The following CACHD1 variants were observed in gnomAD, a reference collection of about 807,000 sequenced individuals.
CACHD1 encodes the protein cache domain containing 1, also known as VWFA and cache domain-containing protein 1.
In CACHD1, 71 loss-of-function variants were observed where a neutral mutation model predicts 138.7. That is an observed-to-expected ratio of 0.51 (90% CI 0.42 to 0.62). CACHD1 has a LOEUF of 0.62. Among genes scored for constraint, CACHD1 ranks in the 20% least tolerant of loss-of-function variants. The probability of loss-of-function intolerance (pLI) is 0.00; values close to 1 mark genes in which losing one functional copy is unlikely to be tolerated. For synonymous variants in CACHD1, 578 were observed against 591.5 expected, an observed-to-expected ratio of 0.98 and a Z score of 0.33; for missense variants, 1,389 against 1,625.3, an observed-to-expected ratio of 0.85 and a Z score of 2.50.
chr1:64,627,664 A>G (rs1165537916), intron 4 of CACHD1, among the ~76,000 whole-genome samples: 1 of 152,200 alleles, frequency 6.6e-6, no homozygotes, highest in Non-Finnish European at 1.5e-5. Flanking sequence ...TCCTGATGCT[A>G]CATATGGTAT....
At chr1:64,635,948 A>G (rs1174482835) in intron 7 of CACHD1, among the ~76,000 whole-genome samples, 1 of 151,756 alleles carries the variant, frequency 6.6e-6, no homozygotes, top group Non-Finnish European at 1.5e-5. Context: ...CATCTCCACT[A>G]AAAATACAAA....
intron 1 of CACHD1, among the ~76,000 whole-genome samples, chr1:64,546,507 T>C (rs550953562): frequency 5.9e-5 from 9 of 152,130 alleles, no homozygotes; most frequent in Admixed American, 5.9e-4. Flanking sequence ...CTAATATTTA[T>C]ATTTTTTCAT....
chr1:64,683,112 G>A (rs140484551), intron 26 of CACHD1, among the ~76,000 whole-genome samples: 62 of 152,122 alleles, frequency 4.1e-4, no homozygotes, highest in African/African-American at 1.4e-3. Flanking sequence ...AGCAACCAAC[G>A]TCACCATTTA....
chr1:64,508,193 A>G (rs1005754342), intron 1 of CACHD1, among the ~76,000 whole-genome samples: 2 of 152,132 alleles, frequency 1.3e-5, no homozygotes, highest in Non-Finnish European at 2.9e-5. Context: ...CAAGGGGGAA[A>G]TCCACCCACA....
In CACHD1 at chr1:64,494,081, G is replaced by A. The variant is rs1268718174; in HGVS notation, c.198+23139G>A. 3.3e-5 allele frequency among the ~76,000 whole-genome samples: 5 copies of A among 152,270 alleles called. No individual in the cohort carries two copies. In the East Asian group the frequency reaches 9.7e-4, roughly 29 times the overall value. On this transcript the variant is annotated intron_variant, in intron 1 of 26. Coordinates refer to ENST00000651257, the MANE Select transcript of CACHD1 (RefSeq NM_020925.4). ...CCAGCGTTGGAATGTGGAGACCAGG[G>A]TATTGGCACTTCAGAGCTGAGCATC...
intron 2 of CACHD1, among the ~76,000 whole-genome samples, chr1:64,564,942 AC>A (rs1570370830): frequency 6.6e-6 from 1 of 152,120 alleles, no homozygotes; most frequent in East Asian, 1.9e-4. Flanking sequence ...AAGAGCGGGT[AC>A]AGAAGAGTTG....
chr1:64,518,316 G>A (rs905792858), intron 1 of CACHD1, among the ~76,000 whole-genome samples: 3 of 151,882 alleles, frequency 2.0e-5, no homozygotes, highest in East Asian at 1.9e-4. Context: ...TTTAAGTTCC[G>A]GGATACATGT....
At position 64,562,409 on chromosome 1, in the gene CACHD1, C is replaced by CTT. The variant is rs55746551; in HGVS notation, c.261+11771_261+11772dup. ...GTTTATTCTTATGCTGCAGAATTTC[C>CTT]TTTTTTTTTTTTTTTTTTTGAGACA... On this transcript the variant is annotated intron_variant, in intron 2 of 26. Transcript: ENST00000651257. 1.9e-3 allele frequency among the ~76,000 whole-genome samples: 209 copies of CTT among 109,910 alleles called. 10 individuals are homozygous for CTT. Among genetic ancestry groups the CTT allele is most frequent in the African/African-American group, 6.2e-3 (194 of 31,382 alleles). The allele number at this position is 109,910 out of a possible 152,430, so 72.1% of individuals were successfully genotyped here.
At chr1:64,681,918 G>A in intron 25 of CACHD1, 87 bp from the exon 26 acceptor site, 1 of 1,125,372 alleles carries the variant, frequency 8.9e-7, no homozygotes, top group Non-Finnish European at 1.3e-6. Context: ...CTCCCAGCAT[G>A]TAAATGAGCC....
chr1:64,657,419 T>C (rs935744062), intron 12 of CACHD1, among the ~76,000 whole-genome samples: 1 of 152,202 alleles, frequency 6.6e-6, no homozygotes, highest in African/African-American at 2.4e-5. Flanking sequence ...ATAAAATTAT[T>C]TTCTAGTCAT....
intron 10 of CACHD1, among the ~76,000 whole-genome samples, chr1:64,652,513 A>G (rs907188067): frequency 6.6e-6 from 1 of 152,202 alleles, no homozygotes; most frequent in Non-Finnish European, 1.5e-5. Context: ...TTTGAGGGGT[A>G]GGGAACGGTT....
intron 4 of CACHD1, among the ~76,000 whole-genome samples, chr1:64,613,973 T>C (rs1176661660): frequency 6.6e-6 from 1 of 152,154 alleles, no homozygotes; most frequent in Non-Finnish European, 1.5e-5. Context: ...AAAACAAACT[T>C]TCCTTTGAAT....
At chr1:64,640,741 T>TATATATATATATATATATATATATATATA (rs1648683547) in intron 7 of CACHD1, among the ~76,000 whole-genome samples, 1 of 149,310 alleles carries the variant, frequency 6.7e-6, no homozygotes, top group African/African-American at 2.5e-5. Context: ...ACTCTCAACA[T>TATATATATATATATATATATATATATATA]TATATATATA....
chr1:64,609,644 C>A (rs540694569), intron 4 of CACHD1, among the ~76,000 whole-genome samples: 1 of 152,210 alleles, frequency 6.6e-6, no homozygotes, highest in African/African-American at 2.4e-5. Flanking sequence ...TAGCCATATA[C>A]TGGCATATAT....
rs149964738 is a variant in CACHD1, at chr1:64,635,445, G to A, written c.1006+1185G>A. 4.6e-3 allele frequency among the ~76,000 whole-genome samples: 666 copies of A among 145,562 alleles called. 5 individuals carry two copies. The highest frequency in any genetic ancestry group is 0.016 in the African/African-American group (634 of 39,354). On this transcript the variant is annotated intron_variant, in intron 7 of 26. Coordinates refer to ENST00000651257, the MANE Select transcript of CACHD1 (RefSeq NM_020925.4). ...GTCACCCAGCCTGGAGTGTGATCGC[G>A]CAATCCCGGCTCACTGCAACCTCCA...
Position 64,540,516 on chromosome 1 carries a change from T to A in CACHD1, c.199-10078T>A, listed in dbSNP as rs114784561. ...ACATGTGGAACTAATTTATTTGACA[T>A]TTTTCCTCTTACCCACTTTGAAAGC... is the stretch of plus-strand genomic sequence containing the variant. On this transcript the variant is annotated intron_variant, in intron 1 of 26. Transcript: ENST00000651257. Among the ~76,000 whole-genome samples, 392 of 152,292 alleles carry A rather than the reference T, an allele frequency of 2.6e-3. 2 individuals carry two copies. Among genetic ancestry groups the A allele is most frequent in the African/African-American group, 9.0e-3 (376 of 41,562 alleles).
intron 1 of CACHD1, among the ~76,000 whole-genome samples, chr1:64,540,572 C>T (rs1444174279): frequency 6.6e-6 from 1 of 152,206 alleles, no homozygotes; most frequent in Non-Finnish European, 1.5e-5. Context: ...AGTAACCCTT[C>T]AGAACCTTTA....
intron 13 of CACHD1, among the ~76,000 whole-genome samples, chr1:64,660,896 T>C (rs1044012902): frequency 2.0e-5 from 3 of 152,174 alleles, no homozygotes; most frequent in African/African-American, 4.8e-5. Flanking sequence ...TGCATTTCAG[T>C]TGGACAGCAA....
Position 64,582,288 on chromosome 1 carries a change from C to G in CACHD1, c.394C>G (p.Pro132Ala). ...TGCAATTCAAGACTGCTGTACTATC[C>G]CACCTTCCATGATGGAGTAAGACTT... The part of the protein sequence containing the change: ...LTAIQDCCTI[P>A]PSMMEFDGNF... The change falls in exon 3 of 27, where the codon CCA becomes GCA. Residue 132 changes from proline to alanine, a missense_variant. Pro to Ala is a conservative substitution (Grantham distance 27, BLOSUM62 -1). Transcript: ENST00000651257. 1 of 1,613,622 alleles carries G rather than the reference C, an allele frequency of 6.2e-7. No homozygotes were observed. Among genetic ancestry groups the G allele is most frequent in the South Asian group, 1.1e-5 (1 of 91,004 alleles).
Sources: gnomAD v4.1 joint callset for allele counts (sites outside exome capture counted in the v4.1 genomes callset) on GRCh38, gnomAD v4.1.1 for gene constraint, MANE v1.5 for transcripts, NCBI Gene and HGNC (gene_info 2026-07-23, HGNC 2026-07-21) for gene names.